The following YLPM1 variants were observed in gnomAD, a reference collection of about 807,000 sequenced individuals.
YLPM1 encodes YLP motif-containing protein 1.
A neutral mutation model predicts 230.0 loss-of-function variants in YLPM1; 99 were observed. The ratio of observed to expected loss-of-function variants is 0.43; its 90% CI spans 0.37 to 0.51. The LOEUF is 0.51. Among genes scored for constraint, YLPM1 ranks in the 20% least tolerant of loss-of-function variants. YLPM1 has a pLI of 0.00. For missense variants in YLPM1, 2,592 were observed against 2,707.7 expected (o/e 0.96, Z 0.95); for synonymous variants, 984 against 942.5 (o/e 1.04, Z -0.81).
chr14:74,832,818 C>G (rs1046135178), intron 19 of YLPM1, among the ~76,000 whole-genome samples: 5 of 152,132 alleles, frequency 3.3e-5, no homozygotes, highest in African/African-American at 4.8e-5. Context: ...AAACATACTA[C>G]TCATTTCAAA....
intron 16 of YLPM1, among the ~76,000 whole-genome samples, chr14:74,819,644 C>A (rs1317654036): frequency 6.6e-6 from 1 of 152,318 alleles, no homozygotes; most frequent in African/African-American, 2.4e-5. Context: ...GCTTCTGCCA[C>A]TACCATTGTC....
chr14:74,777,566 CAA>C (rs1220967010), intron 1 of YLPM1, among the ~76,000 whole-genome samples: 2 of 131,210 alleles, frequency 1.5e-5, no homozygotes. Flanking sequence ...GACTCCATCT[CAA>C]AAAAAAAAAA....
Position 74,764,015 on chromosome 14 carries a change from C to G in YLPM1, c.526C>G (p.Pro176Ala). 1 of 1,608,134 alleles carries G rather than the reference C, an allele frequency of 6.2e-7. No individual in the cohort carries two copies. The highest frequency in any genetic ancestry group is 2.2e-5 in the East Asian group (1 of 44,682). The change falls in exon 1 of 21, where the codon CCC (proline) becomes GCC (alanine). Residue 176 changes from proline to alanine, a missense_variant. Pro to Ala is a conservative substitution (Grantham distance 27, BLOSUM62 -1). This residue lies in a region of YLPM1 where 1,862 missense variants were observed against 1,819.8 expected (regional missense o/e 1.02). Coordinates refer to ENST00000325680, the MANE Select transcript of YLPM1 (RefSeq NM_019589.3). ...PPPQPPPSYY[P>A]PTSSQPYLPP... Reference sequence around the variant, plus strand: ...ACCTCAGCCGCCACCCTCTTACTACCCCCCGACCTCATCTCAGCCCTACCT... The same window carrying G: ...ACCTCAGCCGCCACCCTCTTACTACGCCCCGACCTCATCTCAGCCCTACCT...
At chr14:74,782,898 A>G (rs1208655781) in intron 4 of YLPM1, among the ~76,000 whole-genome samples, 1 of 152,156 alleles carries the variant, frequency 6.6e-6, no homozygotes, top group Non-Finnish European at 1.5e-5. Flanking sequence ...TTCCCCAGTT[A>G]AGGAGATACT....
intron 16 of YLPM1, among the ~76,000 whole-genome samples, chr14:74,819,574 C>T (rs1176107763): frequency 2.6e-5 from 4 of 152,064 alleles, no homozygotes; most frequent in African/African-American, 7.2e-5. Context: ...CATGCCCAAC[C>T]GTCATTGTTC....
At chr14:74,790,899 C>T (rs760032293) in intron 4 of YLPM1, among the ~76,000 whole-genome samples, 3 of 151,930 alleles carry the variant, frequency 2.0e-5, no homozygotes, top group Non-Finnish European at 2.9e-5. Context: ...TAAATGAAAA[C>T]GGTTTTGAGT....
rs561059199 is a variant in YLPM1, at chr14:74,810,512, C to T, written c.5228+92C>T. 474 of 1,313,010 alleles carry T rather than the reference C, an allele frequency of 3.6e-4. 7 individuals are homozygous for T. The South Asian group carries it at 6.5e-3, about 18-fold the overall frequency. The allele number at this position is 1,313,010 out of a possible 1,614,324, so 81.3% of individuals were successfully genotyped here. ...GAAATTTAATAAGTAACATATTCTT[C>T]TCATGCATGTGTATATGTAATTTGG... On this transcript the variant is annotated intron_variant, in intron 9 of 20. Transcript: ENST00000325680.
intron 6 of YLPM1, among the ~76,000 whole-genome samples, chr14:74,805,457 C>T (rs551090247): frequency 1.3e-5 from 2 of 152,064 alleles, no homozygotes; most frequent in African/African-American, 4.8e-5. Flanking sequence ...GATTCTCTCA[C>T]CTCAGCCTCC....
chr14:74,796,543 C>T (rs1446224899), intron 4 of YLPM1, among the ~76,000 whole-genome samples: 1 of 152,174 alleles, frequency 6.6e-6, no homozygotes, highest in Non-Finnish European at 1.5e-5. Context: ...TACTTATTTA[C>T]ACTTAGATTA....
chr14:74,765,079 CAGCCTTGCAATTT>C lies in YLPM1; in HGVS notation c.873+718_873+730del, dbSNP rs544474216. Among the ~76,000 whole-genome samples, 213 of 152,314 alleles carry C rather than the reference CAGCCTTGCAATTT, an allele frequency of 1.4e-3. 1 individual carries two copies. Among genetic ancestry groups the C allele is most frequent in the African/African-American group, 5.0e-3 (208 of 41,568 alleles). On this transcript the variant is annotated intron_variant, in intron 1 of 20. Coordinates refer to ENST00000325680, the MANE Select transcript of YLPM1 (RefSeq NM_019589.3). ...GTCATTACCATTCACTCCAAAGAAA[CAGCCTTGCAATTT>C]GGCCAACGTAAAAAAAGTTTGGTGA...
rs781686745 is a variant in YLPM1 at position 74,798,533 on chromosome 14, G to A, written c.3236G>A (p.Arg1079Gln). 3.0e-5 allele frequency: 48 copies of A among 1,613,818 alleles called. No homozygotes were observed. Among genetic ancestry groups the A allele is most frequent in the Non-Finnish European group, 3.4e-5 (40 of 1,179,874 alleles). Residue 1079 changes from arginine to glutamine, a missense_variant, in exon 5 of 21, where the codon CGG becomes CAG. Transcript: ENST00000325680. ...REKMNRGEGS[R>Q]DRGLVRPGSS... ...AAGATGAACAGAGGAGAAGGTAGCC[G>A]GGACAGAGGGTTGGTGAGGCCTGGA...
At chr14:74,807,952 G>T (rs951421256) in intron 6 of YLPM1, among the ~76,000 whole-genome samples, 1 of 152,264 alleles carries the variant, frequency 6.6e-6, no homozygotes, top group Middle Eastern at 3.4e-3. Context: ...TTAACCGAGG[G>T]TTATAAATCA....
intron 2 of YLPM1, among the ~76,000 whole-genome samples, chr14:74,778,957 C>T (rs2091068086): frequency 6.6e-6 from 1 of 152,152 alleles, no homozygotes; most frequent in African/African-American, 2.4e-5. Flanking sequence ...TCTTCTGCCT[C>T]AGCCTCCTGA....
At chr14:74,829,381 G>A in intron 19 of YLPM1, 38 bp downstream of exon 19, 11 of 1,609,266 alleles carry the variant, frequency 6.8e-6, no homozygotes, top group Non-Finnish European at 9.3e-6. Flanking sequence ...CAAATGAAGG[G>A]CCCATTTAGG....
chr14:74,771,092 A>G (rs1035361608), intron 1 of YLPM1, among the ~76,000 whole-genome samples: 1 of 152,180 alleles, frequency 6.6e-6, no homozygotes, highest in Admixed American at 6.5e-5. Context: ...GGTCAAATTT[A>G]CTAAAACAGA....
chr14:74,828,604 CTCAGAATGGTCAACT>C (rs1425710690), intron 18 of YLPM1, among the ~76,000 whole-genome samples: 1 of 152,024 alleles, frequency 6.6e-6, no homozygotes, highest in Non-Finnish European at 1.5e-5. Context: ...AGCCCTTAGC[CTCAGAATGGTCAACT>C]TCATAGTATA....
chr14:74,826,275 A>G (rs1183371211), intron 18 of YLPM1, among the ~76,000 whole-genome samples: 1 of 152,202 alleles, frequency 6.6e-6, no homozygotes, highest in South Asian at 2.1e-4. Flanking sequence ...AGGTTGGTCC[A>G]TTGAGCCAAC....
intron 6 of YLPM1, among the ~76,000 whole-genome samples, chr14:74,807,305 CA>C (rs1462674877): frequency 6.6e-6 from 1 of 151,588 alleles, no homozygotes; most frequent in Non-Finnish European, 1.5e-5. Context: ...CAAAACAAAA[CA>C]AAAAACAAAA....
Position 74,780,443 on chromosome 14 carries a change from G to T in YLPM1, c.1149G>T (p.Leu383Phe), listed in dbSNP as rs772698391. 1 of 1,613,736 alleles carries T rather than the reference G, an allele frequency of 6.2e-7. No individual in the cohort carries two copies. The highest frequency in any genetic ancestry group is 8.5e-7 in the Non-Finnish European group (1 of 1,179,742). ...AAGAAGATGCCAGGTTAAAGCAGTT[G>T]CAGGCTGCAGCAGCACACTGGCAGC... ...DPEEDARLKQ[L>F]QAAAAHWQQH... The change falls in exon 3 of 21, where the codon TTG (leucine) becomes TTT (phenylalanine). Residue 383 changes from leucine (L) to phenylalanine (F), a missense_variant. Around this residue, in one of 4 missense-constraint regions of YLPM1, gnomAD observed 1,862 missense variants for 1,819.8 expected, o/e 1.02. Coordinates refer to ENST00000325680, the MANE Select transcript of YLPM1 (RefSeq NM_019589.3).
Sources: allele counts gnomAD v4.1 joint callset (sites outside exome capture counted in the v4.1 genomes callset), GRCh38; gene constraint gnomAD v4.1.1; regional missense constraint gnomAD v4.1.1; transcripts MANE v1.5; gene names NCBI Gene and HGNC (gene_info 2026-07-23, HGNC 2026-07-21).